LIX1L: variants seen among roughly 807,000 people sequenced by gnomAD.
LIX1L encodes the protein LIX1-like protein.
In LIX1L, 20 loss-of-function variants were observed where a neutral mutation model predicts 34.0. The ratio of observed to expected loss-of-function variants is 0.59; its 90% CI spans 0.41 to 0.85. The LOEUF (loss-of-function observed/expected upper bound fraction) is 0.85, where lower values mean the gene tolerates loss of function less well. Among genes scored for constraint, LIX1L ranks in the 40% least tolerant of loss-of-function variants. The pLI is 0.00. For synonymous variants in LIX1L, 170 were observed against 187.4 expected (o/e 0.91, Z 0.76); for missense variants, 397 against 447.0 (o/e 0.89, Z 1.01).
chr1:145,957,674 A>G lies in LIX1L; in HGVS notation c.254T>C (p.Val85Ala), dbSNP rs1553760560. The G allele has an allele frequency of 3.2e-6, 5 of 1,540,634 alleles. No homozygotes were observed. Among genetic ancestry groups the G allele is most frequent in the Non-Finnish European group, 3.5e-6 (4 of 1,149,378 alleles). The change falls in exon 1 of 6, where the codon GTG (valine) becomes GCG (alanine). Residue 85 changes from valine to alanine, a missense_variant. This residue lies in a region of LIX1L where 207 missense variants were observed against 205.2 expected (regional missense o/e 1.01). Coordinates refer to ENST00000604000, the MANE Select transcript of LIX1L (RefSeq NM_153713.3). ...AVLREAVEAV[V>A]RSFAKHTQGY... ...CTGCGTGTGCTTGGCGAAGCTCCTCACCACGGCCTCCACGGCCTCTCGCAG... is the reference window on the plus strand; with the variant it reads ...CTGCGTGTGCTTGGCGAAGCTCCTCGCCACGGCCTCCACGGCCTCTCGCAG...
intron 1 of LIX1L, among the ~76,000 whole-genome samples, chr1:145,953,403 C>A (rs1465732243): frequency 2.0e-5 from 3 of 152,116 alleles, no homozygotes; most frequent in African/African-American, 4.8e-5. Flanking sequence ...TCTCCTTGAT[C>A]ATAGAGGATG....
Position 145,936,890 on chromosome 1 carries a change from A to G in LIX1L, c.771+18T>C. 6.4e-7 allele frequency: 1 copy of G among 1,552,288 alleles called. No individual in the cohort carries two copies. The highest frequency in any genetic ancestry group is 1.1e-5 in the South Asian group (1 of 89,830). ...GATTGTGCTCCCCTCATTCGCCCCC[A>G]CTCATAAAATCTCTTACCTGCCGAG... On this transcript the variant is annotated intron_variant, in intron 5 of 5. Coordinates refer to ENST00000604000, the MANE Select transcript of LIX1L (RefSeq NM_153713.3).
At chr1:145,949,282 T>C (rs1371750295) in intron 1 of LIX1L, among the ~76,000 whole-genome samples, 1 of 152,098 alleles carries the variant, frequency 6.6e-6, no homozygotes, top group Non-Finnish European at 1.5e-5. Context: ...AAAGGAGTGA[T>C]AGATGTCGGC....
chr1:145,933,819 A>T lies in LIX1L; in HGVS notation c.*2491T>A, dbSNP rs1553757294. The T allele has an allele frequency of 6.6e-6, 1 of 152,064 alleles. No homozygotes were observed. The highest frequency in any genetic ancestry group is 1.5e-5 in the Non-Finnish European group (1 of 67,998). 9.4% of individuals were successfully genotyped at this position (152,064 alleles called of 1,614,324 possible). A position where few individuals can be genotyped will look rare whatever the true frequency, so the allele number is the denominator to read the frequency against. ...TCTGATTAGTAAGAAAAAAAAAATG[A>T]TAGGGCCTGGAGAATTCAAGGAAGC... On this transcript the variant is annotated 3_prime_UTR_variant, in exon 6 of 6. Transcript: ENST00000604000.
intron 5 of LIX1L, 31 bp downstream of exon 5, chr1:145,936,877 C>T (rs1648665476): frequency 1.4e-6 from 2 of 1,445,820 alleles, no homozygotes; most frequent in Non-Finnish European, 1.9e-6. Flanking sequence ...TTGTGCTCCC[C>T]TCATTCGCCC....
chr1:145,942,812 C>T lies in LIX1L; in HGVS notation c.498G>A (p.Lys166=), dbSNP rs1194543876. The change falls in exon 3 of 6, where the codon AAG becomes AAA. Residue 166 remains lysine (K), a synonymous_variant. Coordinates refer to ENST00000604000, the MANE Select transcript of LIX1L (RefSeq NM_153713.3). ...TAAACACAGAATTCATTAGCGCAAT[C>T]TTTGCAGCACTCCTCCGGGCCTCAG... ...TKAEARRSAA[K]IALMNSVFNE... The T allele has an allele frequency of 8.1e-6, 13 of 1,614,074 alleles. No individual in the cohort carries two copies. The highest frequency in any genetic ancestry group is 1.3e-5 in the African/African-American group (1 of 74,932).
chr1:145,944,942 C>T (rs910728924), intron 2 of LIX1L, among the ~76,000 whole-genome samples: 3 of 151,646 alleles, frequency 2.0e-5, no homozygotes, highest in Non-Finnish European at 4.4e-5. Context: ...GTGGGAGGAT[C>T]ACTTGAGCCC....
chr1:145,955,704 C>G (rs587624390), intron 1 of LIX1L, among the ~76,000 whole-genome samples: 1 of 152,294 alleles, frequency 6.6e-6, no homozygotes, highest in Admixed American at 6.5e-5. Context: ...TCCTAAAGTA[C>G]TGGCTGGACA....
At chr1:145,943,982 C>A (rs1485368318) in intron 2 of LIX1L, among the ~76,000 whole-genome samples, 1 of 151,950 alleles carries the variant, frequency 6.6e-6, no homozygotes, top group South Asian at 2.1e-4. Flanking sequence ...TTCCAGGCTG[C>A]AGTGAGTTAT....
chr1:145,955,910 T>C (rs587600746), intron 1 of LIX1L, among the ~76,000 whole-genome samples: 2 of 152,256 alleles, frequency 1.3e-5, no homozygotes, highest in African/African-American at 4.8e-5. Context: ...AAGCAGAGGC[T>C]CTCCAGGTAA....
chr1:145,955,131 T>A (rs587660371), intron 1 of LIX1L, among the ~76,000 whole-genome samples: 1 of 152,128 alleles, frequency 6.6e-6, no homozygotes, highest in Non-Finnish European at 1.5e-5. Flanking sequence ...AGATGAAGCA[T>A]AGAGAGATTA....
intron 3 of LIX1L, among the ~76,000 whole-genome samples, chr1:145,940,257 C>T (rs141967652): frequency 2.2e-4 from 34 of 152,134 alleles, no homozygotes; most frequent in African/African-American, 7.2e-4. Context: ...TGAGCCACCG[C>T]GCCAACAATG....
At position 145,936,318 on chromosome 1, in the gene LIX1L, TG is replaced by T; in HGVS notation, c.1005del (p.Asn336ThrfsTer8). ...GTTATGTGGGTGGATGCCTAGCAGT[TG>T]GAAGAATGCATATTGCCCAACTGCC... ...AAGQLGNMHS[S>X]NC On this transcript the variant is annotated frameshift_variant, in exon 6 of 6. Coordinates refer to ENST00000604000, the MANE Select transcript of LIX1L (RefSeq NM_153713.3). LOFTEE classifies it high-confidence loss of function. The T allele has an allele frequency of 1.2e-6, 2 of 1,614,128 alleles. No individual in the cohort carries two copies. The highest frequency in any genetic ancestry group is 1.7e-6 in the Non-Finnish European group (2 of 1,179,978).
intron 2 of LIX1L, chr1:145,947,321 T>C (rs1405713306): frequency 1.2e-5 from 4 of 326,532 alleles, no homozygotes; most frequent in African/African-American, 8.2e-5. Context: ...AAAGTTGGAA[T>C]GCAATAACTG....
intron 2 of LIX1L, among the ~76,000 whole-genome samples, chr1:145,944,160 C>G (rs889111334): frequency 1.3e-4 from 20 of 152,082 alleles, no homozygotes; most frequent in African/African-American, 4.8e-4. Flanking sequence ...AGTTTGAGAC[C>G]AGCCTGGGCA....
Position 145,936,554 on chromosome 1 carries a change from T to C in LIX1L, c.772-2A>G, listed in dbSNP as rs1553757852. ...GTGCGAATAATGAGCCAACACCTCCTAGTAGGGGAGGGGAATGTGAACATC... is the reference window on the plus strand; with the variant it reads ...GTGCGAATAATGAGCCAACACCTCCCAGTAGGGGAGGGGAATGTGAACATC... On this transcript the variant is annotated splice_acceptor_variant, in intron 5 of 5. Coordinates refer to ENST00000604000, the MANE Select transcript of LIX1L (RefSeq NM_153713.3). LOFTEE classifies it high-confidence loss of function. The C allele has an allele frequency of 1.2e-6, 2 of 1,613,996 alleles. No individual in the cohort carries two copies. The highest frequency in any genetic ancestry group is 1.1e-5 in the South Asian group (1 of 91,074).
intron 5 of LIX1L, 98 bp from the exon 6 acceptor site, chr1:145,936,650 TA>T (rs1362917945): frequency 7.0e-7 from 1 of 1,428,594 alleles, no homozygotes; most frequent in Non-Finnish European, 9.6e-7. Flanking sequence ...TTTAGAGACC[TA>T]ACTGAGGTCA....
chr1:145,946,178 T>C (rs1649100172), intron 2 of LIX1L, among the ~76,000 whole-genome samples: 1 of 151,342 alleles, frequency 6.6e-6, no homozygotes, highest in African/African-American at 2.4e-5. Flanking sequence ...TATATAGTTA[T>C]TTCTCTGAAA....
At chr1:145,937,911 T>C (rs1648725657) in intron 3 of LIX1L, among the ~76,000 whole-genome samples, 1 of 152,104 alleles carries the variant, frequency 6.6e-6, no homozygotes, top group African/African-American at 2.4e-5. Flanking sequence ...GCAGATCACT[T>C]GAGGTCAGGA....
Sources: gnomAD v4.1 joint callset for allele counts (sites outside exome capture counted in the v4.1 genomes callset) on GRCh38, gnomAD v4.1.1 for gene constraint, gnomAD v4.1.1 regional missense constraint, MANE v1.5 for transcripts, NCBI Gene and HGNC (gene_info 2026-07-23, HGNC 2026-07-21) for gene names.